Variants in SCNN1A observed in about 807,000 individuals in gnomAD.
SCNN1A encodes the protein epithelial sodium channel subunit alpha.
A neutral mutation model predicts 68.6 loss-of-function variants in SCNN1A; 65 were observed. That is an observed-to-expected ratio of 0.95 (90% CI 0.78 to 1.16). The LOEUF (loss-of-function observed/expected upper bound fraction) is 1.16, where lower values mean the gene tolerates loss of function less well. Among genes scored for constraint, SCNN1A ranks in the 50% most tolerant of loss-of-function variants. The pLI, the probability that SCNN1A is intolerant of heterozygous loss-of-function variation, is 0.00. For synonymous variants in SCNN1A, 357 were observed against 353.3 expected (o/e 1.01, Z -0.12); for missense variants, 880 against 865.9 (o/e 1.02, Z -0.20).
rs1056440264 is a variant in SCNN1A at position 6,347,959 on chromosome 12, G to C, written c.1924C>G (p.Pro642Ala). The C allele has an allele frequency of 3.8e-6, 6 of 1,567,886 alleles. No individual in the cohort carries two copies. In the African/African-American group the frequency reaches 6.8e-5, roughly 18 times the overall value. ...CGGGGGCCCAGGGTGGCATAGGCAG[G>C]GGGAGGGGCTGTCAAGGCTGGAGAG... is the stretch of plus-strand genomic sequence containing the variant. ...APSPALTAPPPAYATLGPRPS... is the reference protein window; with the variant it reads ...APSPALTAPPAAYATLGPRPS... The change falls in exon 13 of 13, where the codon CCT (proline) becomes GCT (alanine). Residue 642 changes from proline to alanine, a missense_variant. By Grantham distance (27) the Pro-to-Ala change is conservative. Transcript: ENST00000228916.
At chr12:6,366,240 G>A (rs1948677796) in intron 2 of SCNN1A, among the ~76,000 whole-genome samples, 1 of 152,068 alleles carries the variant, frequency 6.6e-6, no homozygotes, top group South Asian at 2.1e-4. Context: ...AAAACAATCT[G>A]GAAGTTCCTC....
chr12:6,376,551 A>G (rs56682151), upstream of SCNN1A, among the ~76,000 whole-genome samples: 5,382 of 152,338 alleles, frequency 0.035, 312 homozygotes, highest in African/African-American at 0.12. Flanking sequence ...GCACACGCCT[A>G]GACAGGCCCT....
In SCNN1A at chr12:6,348,974, T is replaced by C; in HGVS notation, c.1529A>G (p.Asn510Ser). Residue 510 changes from asparagine (N) to serine (S), a missense_variant, in exon 11 of 13, where the codon AAC becomes AGC. Asn to Ser is a conservative substitution (Grantham distance 46). Coordinates refer to ENST00000228916, the MANE Select transcript of SCNN1A (RefSeq NM_001038.6). ...CCTCTTGTTGTTGACGGTGTAATTG[T>C]TCTGTCGCGATAGCATCTGGAAGAC... ...EWVFQMLSRQ[N>S]NYTVNNKRNG... The C allele has an allele frequency of 6.2e-7, 1 of 1,614,130 alleles. No individual in the cohort carries two copies. Among genetic ancestry groups the C allele is most frequent in the South Asian group, 1.1e-5 (1 of 91,072 alleles).
chr12:6,368,295 A>T (rs1364661851), intron 2 of SCNN1A, among the ~76,000 whole-genome samples: 1 of 152,190 alleles, frequency 6.6e-6, no homozygotes, highest in Non-Finnish European at 1.5e-5. Flanking sequence ...AAGGAAAGTG[A>T]CCCACAGAAA....
intron 7 of SCNN1A, 31 bp from the exon 8 acceptor site, chr12:6,354,586 G>A (rs1592066531): frequency 1.3e-6 from 2 of 1,537,788 alleles, no homozygotes; most frequent in Non-Finnish European, 1.8e-6. Flanking sequence ...GAGGAGAGGG[G>A]GTTCAGGCCT....
At chr12:6,364,015 AC>A (rs1264727013) in intron 2 of SCNN1A, 1 of 267,408 alleles carries the variant, frequency 3.7e-6, no homozygotes, top group Non-Finnish European at 7.0e-6. Context: ...CTAGAAGGGA[AC>A]CCGGAACTTG....
chr12:6,356,023 A>G, intron 4 of SCNN1A, 143 bp from the exon 5 acceptor site: 1 of 737,624 alleles, frequency 1.4e-6, no homozygotes. Flanking sequence ...CTGATCACCT[A>G]CTATGTGCTG....
In SCNN1A at chr12:6,374,603, ACTCGAAGAG is replaced by A; in HGVS notation, c.172_180del (p.Leu58_Glu60del). The A allele has an allele frequency of 6.2e-6, 10 of 1,612,140 alleles. No homozygotes were observed. Among genetic ancestry groups the A allele is most frequent in the Non-Finnish European group, 7.6e-6 (9 of 1,179,342 alleles). On this transcript the variant is annotated inframe_deletion, in exon 2 of 13. Coordinates refer to ENST00000228916, the MANE Select transcript of SCNN1A (RefSeq NM_001038.6). The surrounding 1 kb of genome is among the most constrained non-coding windows in gnomAD (Gnocchi z 6.2). ...TGGATGGTGGTGTTGTTGCAGAAGAACTCGAAGAGCTCTCGGTAGGAGCGGTGGAACTCG... is the reference window on the plus strand; with the variant it reads ...TGGATGGTGGTGTTGTTGCAGAAGAACTCTCGGTAGGAGCGGTGGAACTCG...
chr12:6,350,349 G>A (rs1056474015), intron 8 of SCNN1A, among the ~76,000 whole-genome samples: 1 of 150,230 alleles, frequency 6.7e-6, no homozygotes, highest in African/African-American at 2.4e-5. Context: ...GGAGAATGGC[G>A]TGAACCCGGG....
chr12:6,363,406 AGGGGC>A (rs969962990), intron 3 of SCNN1A, 32 bp downstream of exon 3: 3 of 1,478,596 alleles, frequency 2.0e-6, no homozygotes, highest in Admixed American at 4.9e-5. Flanking sequence ...GGGGCCGGCG[AGGGGC>A]GGGGCGGGCC....
intron 2 of SCNN1A, among the ~76,000 whole-genome samples, chr12:6,373,364 A>G (rs1005028109): frequency 6.6e-6 from 1 of 152,116 alleles, no homozygotes; most frequent in African/African-American, 2.4e-5. Flanking sequence ...TACTTATCCC[A>G]GTGTGCCACA....
intron 2 of SCNN1A, 148 bp from the exon 3 acceptor site, chr12:6,363,858 G>A (rs1948628148): frequency 6.0e-6 from 4 of 664,996 alleles, no homozygotes; most frequent in Admixed American, 3.6e-5. Flanking sequence ...GCGCCTCCTG[G>A]CCGTCCGGCG....
At chr12:6,350,474 G>T (rs564874537) in intron 8 of SCNN1A, among the ~76,000 whole-genome samples, 2 of 151,242 alleles carry the variant, frequency 1.3e-5, no homozygotes, top group South Asian at 4.2e-4. Context: ...AACAATAATT[G>T]TATAAGAATA....
Position 6,347,739 on chromosome 12 carries a change from G to A in SCNN1A, c.*134C>T, listed in dbSNP as rs532711891. On this transcript the variant is annotated 3_prime_UTR_variant, in exon 13 of 13. Transcript: ENST00000228916. The stretch of plus-strand genomic sequence containing the variant: ...AACTTCCTGAGCCCTTACCCATCTT[G>A]CTTCCCCTCCACACATCAACGGCAG... 2.9e-4 allele frequency: 218 copies of A among 761,032 alleles called. 3 individuals are homozygous for A. In the South Asian group the frequency reaches 3.2e-3, roughly 11 times the overall value. 47.1% of individuals were successfully genotyped at this position (761,032 alleles called of 1,614,324 possible).
chr12:6,376,766 C>G (rs1026100952), upstream of SCNN1A, among the ~76,000 whole-genome samples: 1 of 152,046 alleles, frequency 6.6e-6, no homozygotes, highest in African/African-American at 2.4e-5. Flanking sequence ...GGAAGGCTGC[C>G]GCTTCCTCAC....
chr12:6,375,518 C>G lies in SCNN1A; in HGVS notation c.-68G>C, dbSNP rs893905102. The G allele has an allele frequency of 6.5e-7, 1 of 1,535,380 alleles. No homozygotes were observed. The highest frequency in any genetic ancestry group is 8.7e-7 in the Non-Finnish European group (1 of 1,146,744). ...CCTCCCCCTCACCTGACAGGTGCAG[C>G]GGCCTGGCTGGGGAGCCCGCCCGCT... On this transcript the variant is annotated 5_prime_UTR_variant, in exon 1 of 13. Coordinates refer to ENST00000228916, the MANE Select transcript of SCNN1A (RefSeq NM_001038.6).
rs772866436 is a variant in SCNN1A, at chr12:6,348,205, C to T, written c.1678G>A (p.Gly560Ser). ...TCCACCACAGACAACACCGAGGAGC[C>T]GAACCACAGGCTCCACTGGCTGCCC... Reference protein sequence around the residue: ...NLGSQWSLWFGSSVLSVVEMA... With the variant: ...NLGSQWSLWFSSSVLSVVEMA... Residue 560 changes from glycine to serine, a missense_variant, in exon 13 of 13, where the codon GGC becomes AGC. Gly to Ser is a moderately conservative substitution (Grantham distance 56). Around this residue, in one of 3 missense-constraint regions of SCNN1A, gnomAD observed 758 missense variants for 721.8 expected, o/e 1.05. Transcript: ENST00000228916. 8 of 1,613,972 alleles carry T rather than the reference C, an allele frequency of 5.0e-6. No individual in the cohort carries two copies. The highest frequency in any genetic ancestry group is 2.7e-5 in the African/African-American group (2 of 74,890).
In SCNN1A at chr12:6,374,338, A is replaced by G. The variant is rs1461358289; in HGVS notation, c.416+30T>C. On this transcript the variant is annotated intron_variant, in intron 2 of 12. Coordinates refer to ENST00000228916, the MANE Select transcript of SCNN1A (RefSeq NM_001038.6). The surrounding 1 kb of genome is among the most constrained non-coding windows in gnomAD (Gnocchi z 6.2). ...CTGGACCACCCTTCCAGGCGCAGGC[A>G]CCAGGGAAGGGGCAGAGGGACTAAC... The G allele has an allele frequency of 6.2e-7, 1 of 1,610,912 alleles. No individual in the cohort carries two copies. Among genetic ancestry groups the G allele is most frequent in the Admixed American group, 1.7e-5 (1 of 59,900 alleles).
chr12:6,355,016 A>C (rs900635282), intron 6 of SCNN1A, among the ~76,000 whole-genome samples, 168 bp from the exon 7 acceptor site: 1 of 151,684 alleles, frequency 6.6e-6, no homozygotes, highest in African/African-American at 2.4e-5. Context: ...TGCTCATTTC[A>C]AGGCCACTAG....
Sources: allele counts gnomAD v4.1 joint callset (sites outside exome capture counted in the v4.1 genomes callset), GRCh38; gene constraint gnomAD v4.1.1; regional missense constraint gnomAD v4.1.1; non-coding constraint Gnocchi (gnomAD v3.1); transcripts MANE v1.5; gene names NCBI Gene and HGNC (gene_info 2026-07-23, HGNC 2026-07-21).